Variants in PARD3B observed in about 807,000 individuals in gnomAD.
PARD3B encodes partitioning defective 3 homolog B.
A neutral mutation model predicts 130.2 loss-of-function variants in PARD3B; 103 were observed. The observed-to-expected ratio is 0.79, with a 90% CI of 0.67 to 0.93. The LOEUF (loss-of-function observed/expected upper bound fraction) is 0.93. Ranked by LOEUF, PARD3B falls within the 40% of genes least tolerant of loss-of-function variation. The pLI is 0.00. For synonymous variants in PARD3B, 583 were observed against 553.2 expected (o/e 1.05, Z -0.76); for missense variants, 1,609 against 1,499.2 (o/e 1.07, Z -1.21).
At chr2:205,362,209 A>C (rs1281385983) in intron 18 of PARD3B, among the ~76,000 whole-genome samples, 3 of 152,238 alleles carry the variant, frequency 2.0e-5, no homozygotes, top group African/African-American at 7.2e-5. Context: ...CTTGACATAC[A>C]AAATTGAGTC....
intron 22 of PARD3B, among the ~76,000 whole-genome samples, chr2:205,580,355 G>A (rs544666937): frequency 7.2e-5 from 11 of 152,132 alleles, no homozygotes; most frequent in East Asian, 1.9e-4. Flanking sequence ...CCAATCTCTC[G>A]CTATCATTCA....
chr2:204,592,309 G>A (rs182465242), intron 1 of PARD3B, among the ~76,000 whole-genome samples: 112 of 152,344 alleles, frequency 7.4e-4, no homozygotes, highest in African/African-American at 2.5e-3. Context: ...TGACCTAGTG[G>A]ACGAAAAAGA....
intron 20 of PARD3B, among the ~76,000 whole-genome samples, chr2:205,442,784 G>A (rs994396301): frequency 2.0e-5 from 3 of 152,088 alleles, no homozygotes; most frequent in Non-Finnish European, 4.4e-5. Context: ...CTATGTCGAC[G>A]TGACCAGAAA....
At chr2:205,602,859 C>G (rs1203324402) in intron 22 of PARD3B, among the ~76,000 whole-genome samples, 2 of 152,156 alleles carry the variant, frequency 1.3e-5, no homozygotes, top group East Asian at 3.9e-4. Flanking sequence ...GTCTCTATTT[C>G]CTTCAGTTCT....
At chr2:205,560,088 G>C (rs1314010845) in intron 22 of PARD3B, among the ~76,000 whole-genome samples, 4 of 152,194 alleles carry the variant, frequency 2.6e-5, no homozygotes, top group Non-Finnish European at 5.9e-5. Context: ...AAGTCCAACA[G>C]CTAAAATGTG....
In PARD3B at chr2:204,774,947, C is replaced by T. The variant is rs182150530; in HGVS notation, c.222+88665C>T. 5.9e-5 allele frequency among the ~76,000 whole-genome samples: 9 copies of T among 152,190 alleles called. No homozygotes were observed. The East Asian group carries it at 7.7e-4, about 13-fold the overall frequency. On this transcript the variant is annotated intron_variant, in intron 2 of 22. Coordinates refer to ENST00000406610, the MANE Select transcript of PARD3B (RefSeq NM_001302769.2). ...GCTTTCACAGATCAGCAACTCTTTC[C>T]GCTTATGACAGTATTTTGGGAAGAA...
At chr2:204,793,459 A>G (rs1034054016) in intron 2 of PARD3B, among the ~76,000 whole-genome samples, 1 of 152,144 alleles carries the variant, frequency 6.6e-6, no homozygotes. Flanking sequence ...GGGTATTCCC[A>G]GTCGAATCTG....
chr2:205,055,820 A>G (rs1699592037), intron 4 of PARD3B, among the ~76,000 whole-genome samples: 1 of 152,106 alleles, frequency 6.6e-6, no homozygotes, highest in African/African-American at 2.4e-5. Context: ...ACCAATAATC[A>G]TTTTTTATTG....
In PARD3B at chr2:205,230,747, T is replaced by C. The variant is rs1161743779; in HGVS notation, c.2141-15031T>C. ...TAGGGCCTAGACTACCTTTCAAGTC[T>C]GTTTAGGACCCCAGAGCGCTTTAGC... On this transcript the variant is annotated intron_variant, in intron 15 of 22. Transcript: ENST00000406610. The surrounding 1 kb of genome is among the most constrained non-coding windows in gnomAD (Gnocchi z 4.1). Among the ~76,000 whole-genome samples the C allele has an allele frequency of 2.0e-5, 3 of 152,150 alleles. No homozygotes were observed. In the East Asian group the frequency reaches 5.8e-4, roughly 29 times the overall value.
intron 22 of PARD3B, among the ~76,000 whole-genome samples, chr2:205,573,123 C>T (rs982267312): frequency 1.3e-5 from 2 of 152,074 alleles, no homozygotes; most frequent in Non-Finnish European, 2.9e-5. Flanking sequence ...GGTAACCACC[C>T]CCATGATTCG....
chr2:205,178,345 C>T (rs560591398), intron 13 of PARD3B, among the ~76,000 whole-genome samples: 3 of 151,568 alleles, frequency 2.0e-5, no homozygotes, highest in East Asian at 3.9e-4. Context: ...CCCAGCTACT[C>T]GGGAGGCTGA....
At position 205,550,925 on chromosome 2, in the gene PARD3B, GTGTGT is replaced by G. The variant is rs2052595406; in HGVS notation, c.3181-2398_3181-2394del. On this transcript the variant is annotated intron_variant, in intron 21 of 22. Transcript: ENST00000406610. This position sits in a 1 kb window ranked among gnomAD's most constrained non-coding sequence, Gnocchi z 4.5. Reference sequence around the variant, plus strand: ...TCATGTTATAAATACATATAATTATGTGTGTGTGTGTGTGTGTATATATATATGTG... The same window carrying G: ...TCATGTTATAAATACATATAATTATGGTGTGTGTGTGTATATATATATGTG... 2.9e-5 allele frequency among the ~76,000 whole-genome samples: 1 copy of G among 34,358 alleles called. No homozygotes were observed. The allele number at this position is 34,358 out of a possible 152,430, so 22.5% of individuals were successfully genotyped here. A position where few individuals can be genotyped will look rare whatever the true frequency, so the allele number is the denominator to read the frequency against.
chr2:205,466,640 A>G (rs1229628910), intron 20 of PARD3B, among the ~76,000 whole-genome samples: 1 of 152,242 alleles, frequency 6.6e-6, no homozygotes, highest in East Asian at 1.9e-4. Flanking sequence ...TGTTTATTCC[A>G]TCATTTCGGT....
intron 19 of PARD3B, among the ~76,000 whole-genome samples, chr2:205,410,893 G>A (rs1452970264): frequency 1.3e-5 from 2 of 152,004 alleles, no homozygotes; most frequent in African/African-American, 2.4e-5. Context: ...CTTCTCCCCC[G>A]TCACCACCCG....
At chr2:204,580,805 A>G (rs1056570792) in intron 1 of PARD3B, among the ~76,000 whole-genome samples, 2 of 152,242 alleles carry the variant, frequency 1.3e-5, no homozygotes, top group African/African-American at 4.8e-5. Context: ...CTCTCTAATA[A>G]CAATCTGCGT....
chr2:205,183,867 A>C lies in PARD3B; in HGVS notation c.1925-1897A>C, dbSNP rs1226139958. 6.6e-6 allele frequency among the ~76,000 whole-genome samples: 1 copy of C among 151,968 alleles called. No homozygotes were observed. The highest frequency in any genetic ancestry group is 1.5e-5 in the Non-Finnish European group (1 of 67,988). ...TGAGTCAGCAAGCTGGGGTTGCAGAAGAGTTGATGGTGCAGATTGAGTCTG... is the reference window on the plus strand; with the variant it reads ...TGAGTCAGCAAGCTGGGGTTGCAGACGAGTTGATGGTGCAGATTGAGTCTG... On this transcript the variant is annotated intron_variant, in intron 13 of 22. Transcript: ENST00000406610. The surrounding 1 kb of genome is among the most constrained non-coding windows in gnomAD (Gnocchi z 5.2).
At chr2:204,571,243 A>G (rs956166856) in intron 1 of PARD3B, among the ~76,000 whole-genome samples, 3 of 152,200 alleles carry the variant, frequency 2.0e-5, no homozygotes, top group Non-Finnish European at 1.5e-5. Context: ...TGACTCTTCT[A>G]TGAATATGAA....
rs374198407 is a variant in PARD3B at position 205,500,037 on chromosome 2, C to T, written c.3180+6C>T. The T allele has an allele frequency of 2.0e-5, 32 of 1,610,718 alleles. No individual in the cohort carries two copies. Among genetic ancestry groups the T allele is most frequent in the Non-Finnish European group, 2.5e-5 (29 of 1,178,710 alleles). On this transcript the variant is annotated splice_donor_region_variant and intron_variant, in intron 21 of 22. Coordinates refer to ENST00000406610, the MANE Select transcript of PARD3B (RefSeq NM_001302769.2). ...CTGAGTATGACCTACTCTGGGTAAG[C>T]GCATGCATGATTTCAATCGTTGAAT... is the stretch of plus-strand genomic sequence containing the variant.
chr2:205,234,656 A>G (rs536204735), intron 15 of PARD3B, among the ~76,000 whole-genome samples: 19 of 152,338 alleles, frequency 1.2e-4, no homozygotes, highest in East Asian at 7.7e-4. Context: ...CAATAAGGCT[A>G]TAGAAGATTT....
Sources: gnomAD v4.1 joint callset for allele counts (sites outside exome capture counted in the v4.1 genomes callset) on GRCh38, gnomAD v4.1.1 for gene constraint, Gnocchi (gnomAD v3.1) non-coding constraint, MANE v1.5 for transcripts, NCBI Gene and HGNC (gene_info 2026-07-23, HGNC 2026-07-21) for gene names.